FAM135A: variants seen among roughly 807,000 people sequenced by gnomAD.
FAM135A encodes protein FAM135A.
FAM135A carries 79 observed loss-of-function variants against 146.8 expected under a neutral mutation model. The ratio of observed to expected loss-of-function variants is 0.54; its 90% confidence interval spans 0.45 to 0.65. FAM135A has a LOEUF of 0.65. Ranked by LOEUF, FAM135A falls within the 30% of genes least tolerant of loss-of-function variation. The pLI, the probability that FAM135A is intolerant of heterozygous loss-of-function variation, is 0.00. For synonymous variants in FAM135A, 562 were observed against 603.6 expected (o/e 0.93, Z 1.01); for missense variants, 1,623 against 1,758.2 (o/e 0.92, Z 1.38).
intron 21 of FAM135A, among the ~76,000 whole-genome samples, chr6:70,559,462 A>T (rs1314794663): frequency 6.6e-6 from 1 of 151,980 alleles, no homozygotes; most frequent in Non-Finnish European, 1.5e-5. Flanking sequence ...AAAAAAAAAA[A>T]TCAAATTTCA....
chr6:70,455,929 G>A (rs1006431604), intron 5 of FAM135A, among the ~76,000 whole-genome samples: 2 of 152,124 alleles, frequency 1.3e-5, no homozygotes, highest in African/African-American at 4.8e-5. Context: ...TCGGCTCACT[G>A]CAACCTCCGC....
Position 70,524,685 on chromosome 6 carries a change from T to A in FAM135A, c.1601T>A (p.Leu534His). Residue 534 changes from leucine (L) to histidine (H), a missense_variant, in exon 15 of 22, where the codon CTC becomes CAC. Physicochemically the swap from Leu to His is moderately conservative, Grantham distance 99. Coordinates refer to ENST00000418814, the MANE Select transcript of FAM135A (RefSeq NM_001162529.3). ...KCLKSTASND[L>H]IKCFEGNPSH... Reference sequence around the variant, plus strand: ...TTGAAAAGTACAGCATCAAATGATCTCATTAAATGCTTTGAAGGCAATCCT... The same window carrying A: ...TTGAAAAGTACAGCATCAAATGATCACATTAAATGCTTTGAAGGCAATCCT... 6.4e-7 allele frequency: 1 copy of A among 1,550,908 alleles called. No homozygotes were observed. The highest frequency in any genetic ancestry group is 1.4e-5 in the African/African-American group (1 of 73,104).
chr6:70,452,659 C>A, intron 5 of FAM135A, 88 bp downstream of exon 5: 1 of 838,738 alleles, frequency 1.2e-6, no homozygotes, highest in Non-Finnish European at 1.8e-6. Flanking sequence ...ATATAAGATA[C>A]CTGTAATGGT....
rs758384489 is a variant in FAM135A, at chr6:70,452,529, A to G, written c.115A>G (p.Arg39Gly). 2 of 1,598,368 alleles carry G rather than the reference A, an allele frequency of 1.3e-6. No individual in the cohort carries two copies. Among genetic ancestry groups the G allele is most frequent in the East Asian group, 2.3e-5 (1 of 43,714 alleles). The change falls in exon 5 of 22, where the codon AGA (arginine) becomes GGA (glycine). Residue 39 changes from arginine (R) to glycine (G), a missense_variant. Physicochemically the swap from Arg to Gly is moderately radical, Grantham distance 125. Transcript: ENST00000418814. ...TCGTGCTTCTATGAAAATTCCATCA[A>G]GAATTCCCCACAGAGTAGAAGCTAG... ...QIRASMKIPS[R>G]IPHRVEASLL...
At chr6:70,499,074 G>A (rs1209675384) in intron 11 of FAM135A, among the ~76,000 whole-genome samples, 3 of 152,142 alleles carry the variant, frequency 2.0e-5, no homozygotes, top group Admixed American at 6.5e-5. Flanking sequence ...TGACAGTGGG[G>A]TTTTAAAGAC....
chr6:70,530,390 A>C (rs4496758), intron 16 of FAM135A, among the ~76,000 whole-genome samples: 40,321 of 151,980 alleles, frequency 0.27, 6,818 homozygotes, highest in African/African-American at 0.48. Context: ...TAGAGGTACA[A>C]CTTTTAAAAT....
At chr6:70,532,801 A>G (rs1796073709) in intron 16 of FAM135A, among the ~76,000 whole-genome samples, 1 of 152,134 alleles carries the variant, frequency 6.6e-6, no homozygotes, top group South Asian at 2.1e-4. Context: ...GCATGGTGGG[A>G]TGCACCTGTA....
Position 70,480,913 on chromosome 6 carries a change from T to C in FAM135A, c.555T>C (p.Pro185=), listed in dbSNP as rs573328302. The change falls in exon 9 of 22, where the codon CCT becomes CCC. Residue 185 remains proline (P), a synonymous_variant. Transcript: ENST00000418814. The part of the protein sequence containing the change: ...LHQPLISFPR[P]VKTTWLNRNA... ...CTTCTTCCTCCAGCTTTCCTCGCCC[T>C]GTGAAGACAACTTGGTTAAATAGAA... 3 of 1,610,372 alleles carry C rather than the reference T, an allele frequency of 1.9e-6. No homozygotes were observed. In the South Asian group the frequency reaches 3.3e-5, roughly 18 times the overall value.
chr6:70,490,811 G>A lies in FAM135A; in HGVS notation c.824-223G>A, dbSNP rs181626193. Among the ~76,000 whole-genome samples the A allele has an allele frequency of 1.9e-3, 295 of 152,004 alleles. 3 individuals carry two copies. Among genetic ancestry groups the A allele is most frequent in the African/African-American group, 6.6e-3 (276 of 41,536 alleles). On this transcript the variant is annotated intron_variant, in intron 10 of 21. Coordinates refer to ENST00000418814, the MANE Select transcript of FAM135A (RefSeq NM_001162529.3). Reference sequence around the variant, plus strand: ...ATATAGTTAATATTTCCTTGACAGTGTTAACTCTTGTGAAAAATAAAAAAT... The same window carrying A: ...ATATAGTTAATATTTCCTTGACAGTATTAACTCTTGTGAAAAATAAAAAAT...
intron 11 of FAM135A, among the ~76,000 whole-genome samples, chr6:70,501,030 G>A (rs1444078358): frequency 6.6e-6 from 1 of 152,192 alleles, no homozygotes; most frequent in African/African-American, 2.4e-5. Context: ...AATCCCTTTT[G>A]TCAGGATCAG....
intron 2 of FAM135A, among the ~76,000 whole-genome samples, chr6:70,418,932 A>C (rs1768146250): frequency 6.6e-6 from 1 of 152,224 alleles, no homozygotes; most frequent in Non-Finnish European, 1.5e-5. Flanking sequence ...ATTAGCTCAA[A>C]GACTGTAAGG....
In FAM135A at chr6:70,550,759, G is replaced by A. The variant is rs35371002; in HGVS notation, c.4229-5991G>A. Among the ~76,000 whole-genome samples, 165 of 152,212 alleles carry A rather than the reference G, an allele frequency of 1.1e-3. 2 individuals are homozygous for A. Among genetic ancestry groups the A allele is most frequent in the Middle Eastern group, 3.4e-3 (1 of 292 alleles). ...TTGCCCTTTGAAGCTTTGAAGCCAG[G>A]CATTGATTCCTTTCTATCTATGAAG... On this transcript the variant is annotated intron_variant, in intron 20 of 21. Coordinates refer to ENST00000418814, the MANE Select transcript of FAM135A (RefSeq NM_001162529.3).
At position 70,428,228 on chromosome 6, in the gene FAM135A, T is replaced by A. The variant is rs78014008; in HGVS notation, c.-39-76T>A. On this transcript the variant is annotated intron_variant, in intron 3 of 21. Coordinates refer to ENST00000418814, the MANE Select transcript of FAM135A (RefSeq NM_001162529.3). ...TGCCTATGTGTCATATTCTAAAATA[T>A]GTATAAATAATAGCATTTTTATAAG... 0.014 allele frequency: 9,102 copies of A among 642,148 alleles called. 768 individuals carry two copies. The Admixed American group carries it at 0.18, about 13-fold the overall frequency. 39.8% of individuals were successfully genotyped at this position (642,148 alleles called of 1,614,324 possible).
intron 12 of FAM135A, among the ~76,000 whole-genome samples, chr6:70,516,238 C>G (rs773429677): frequency 2.0e-5 from 3 of 152,008 alleles, no homozygotes; most frequent in Non-Finnish European, 4.4e-5. Flanking sequence ...AGGTCCAGAC[C>G]TAGGGAACTT....
chr6:70,538,236 G>A (rs1269250064), intron 19 of FAM135A, 55 bp from the exon 20 acceptor site: 4 of 1,010,334 alleles, frequency 4.0e-6, no homozygotes, highest in Non-Finnish European at 5.3e-6. Flanking sequence ...AATAATCTTG[G>A]CATATGTTTT....
At chr6:70,413,831 C>T (rs1047580615) in intron 1 of FAM135A, 129 bp downstream of exon 1, 2 of 985,410 alleles carry the variant, frequency 2.0e-6, no homozygotes. Context: ...CGCCGCGGCC[C>T]CTCACCCGAC....
intron 8 of FAM135A, among the ~76,000 whole-genome samples, chr6:70,478,815 T>C (rs1687020140): frequency 6.6e-6 from 1 of 152,172 alleles, no homozygotes; most frequent in Admixed American, 6.6e-5. Context: ...ATAGCTTTTA[T>C]AAGCAGGAAG....
intron 12 of FAM135A, among the ~76,000 whole-genome samples, chr6:70,512,692 T>G (rs1791287424): frequency 6.6e-6 from 1 of 151,878 alleles, no homozygotes; most frequent in Admixed American, 6.6e-5. Flanking sequence ...AGATTATTTA[T>G]ATATATTCTA....
chr6:70,492,118 T>A (rs1786122430), intron 11 of FAM135A, among the ~76,000 whole-genome samples: 1 of 151,810 alleles, frequency 6.6e-6, no homozygotes. Flanking sequence ...AAAGACTTGC[T>A]CGACTGGATA....
Sources: gnomAD v4.1 joint callset for allele counts (sites outside exome capture counted in the v4.1 genomes callset) on GRCh38, gnomAD v4.1.1 for gene constraint, MANE v1.5 for transcripts, NCBI Gene and HGNC (gene_info 2026-07-23, HGNC 2026-07-21) for gene names.